ANKRD18B: variants seen among roughly 807,000 people sequenced by gnomAD.
ANKRD18B encodes ankyrin repeat domain 18B.
Under a neutral mutation model 111.8 loss-of-function variants are expected in ANKRD18B, and 75 were observed. The observed-to-expected ratio is 0.67, with a 90% CI of 0.56 to 0.81. The LOEUF (loss-of-function observed/expected upper bound fraction) is 0.81, where lower values mean the gene tolerates loss of function less well. ANKRD18B is among the 40% of genes least tolerant of loss of function. The pLI is 0.00. For synonymous variants in ANKRD18B, 356 were observed against 417.3 expected (o/e 0.85, Z 1.79); for missense variants, 1,038 against 1,225.5 (o/e 0.85, Z 2.28).
chr9:33,547,365 C>T (rs1828372263), intron 10 of ANKRD18B, among the ~76,000 whole-genome samples: 1 of 152,026 alleles, frequency 6.6e-6, no homozygotes, highest in African/African-American at 2.4e-5. Context: ...TGTAGAAGTG[C>T]TTAGTACAAT....
intron 10 of ANKRD18B, among the ~76,000 whole-genome samples, chr9:33,546,948 T>C (rs1282471098): frequency 1.3e-5 from 2 of 152,164 alleles, no homozygotes; most frequent in East Asian, 1.9e-4. Context: ...CGGCTCCTTG[T>C]GTTGTGGCAA....
intron 14 of ANKRD18B, among the ~76,000 whole-genome samples, chr9:33,564,408 T>C (rs1466215182): frequency 6.6e-6 from 1 of 152,240 alleles, no homozygotes; most frequent in Non-Finnish European, 1.5e-5. Context: ...TATTCCATTG[T>C]GTATGTGTAC....
At chr9:33,529,878 G>A (rs545819127) in intron 3 of ANKRD18B, among the ~76,000 whole-genome samples, 88 of 152,280 alleles carry the variant, frequency 5.8e-4, no homozygotes, top group African/African-American at 2.0e-3. Flanking sequence ...TCAGCAAAGG[G>A]TGGAACAAAT....
intron 17 of ANKRD18B, among the ~76,000 whole-genome samples, chr9:33,570,112 A>G (rs1331092617): frequency 6.6e-6 from 1 of 152,232 alleles, no homozygotes; most frequent in African/African-American, 2.4e-5. Context: ...ACCAAATACT[A>G]TGCAGCCATG....
rs1354740416 is a variant in ANKRD18B, at chr9:33,572,765, A to T, written c.*331A>T. ...ATATATAGTAGGAGACTTAAAGAGT[A>T]TCTGCCAGGTTTGTCCATACTAGTG... On this transcript the variant is annotated 3_prime_UTR_variant, in exon 19 of 19. Transcript: ENST00000684830. 1.0e-6 allele frequency: 1 copy of T among 995,922 alleles called. No individual in the cohort carries two copies. The highest frequency in any genetic ancestry group is 1.2e-6 in the Non-Finnish European group (1 of 833,140). 61.7% of individuals were successfully genotyped at this position (995,922 alleles called of 1,614,324 possible).
At chr9:33,570,200 C>T (rs1828749096) in intron 17 of ANKRD18B, among the ~76,000 whole-genome samples, 1 of 152,124 alleles carries the variant, frequency 6.6e-6, no homozygotes, top group African/African-American at 2.4e-5. Context: ...AACGCAGAAA[C>T]AGAAACCAAA....
chr9:33,568,654 C>G lies in ANKRD18B; in HGVS notation c.2955-17C>G. The stretch of plus-strand genomic sequence containing the variant: ...GTAAAATGAAATACTAAGCATTTGT[C>G]TTTGCTCTCTTTACAGATCGGATAA... On this transcript the variant is annotated splice_polypyrimidine_tract_variant and intron_variant, in intron 16 of 18. Transcript: ENST00000684830. The G allele has an allele frequency of 1.3e-6, 2 of 1,504,862 alleles. No individual in the cohort carries two copies. The highest frequency in any genetic ancestry group is 8.9e-7 in the Non-Finnish European group (1 of 1,128,208). The allele number at this position is 1,504,862 out of a possible 1,614,324, so 93.2% of individuals were successfully genotyped here.
Position 33,527,659 on chromosome 9 carries a change from T to C in ANKRD18B, c.207-1068T>C, listed in dbSNP as rs560500255. 1.6e-4 allele frequency among the ~76,000 whole-genome samples: 25 copies of C among 152,272 alleles called. No homozygotes were observed. In the East Asian group the frequency reaches 4.4e-3, roughly 27 times the overall value. ...AAAAATCAAAGTAAGAAGTAATTTG[T>C]TTAAAAAATATGTTGTTATTTCAGT... On this transcript the variant is annotated intron_variant, in intron 1 of 18. Coordinates refer to ENST00000684830, the MANE Select transcript of ANKRD18B (RefSeq NM_001393611.1).
At chr9:33,567,398 G>A (rs1828703116) in intron 16 of ANKRD18B, 84 bp downstream of exon 16, 1 of 1,210,370 alleles carries the variant, frequency 8.3e-7, no homozygotes, top group African/African-American at 1.6e-5. Flanking sequence ...GATGGCTTCA[G>A]GAGATCAGTA....
In ANKRD18B at chr9:33,534,744, G is replaced by T. The variant is rs146153410; in HGVS notation, c.740+237G>T. Among the ~76,000 whole-genome samples the T allele has an allele frequency of 3.0e-4, 46 of 150,942 alleles. 2 individuals are homozygous for T. The South Asian group carries it at 9.2e-3, about 30-fold the overall frequency. Reference sequence around the variant, plus strand: ...GACCTTTATCCCTAGGAATGTCAGTGTTGTTCATTTTATTCCAAGTATAAC... The same window carrying T: ...GACCTTTATCCCTAGGAATGTCAGTTTTGTTCATTTTATTCCAAGTATAAC... On this transcript the variant is annotated intron_variant, in intron 5 of 18. Coordinates refer to ENST00000684830, the MANE Select transcript of ANKRD18B (RefSeq NM_001393611.1).
chr9:33,524,744 C>T (rs1563897043), intron 1 of ANKRD18B, 49 bp downstream of exon 1: 3 of 1,518,600 alleles, frequency 2.0e-6, no homozygotes, highest in Non-Finnish European at 2.7e-6. Flanking sequence ...GGCCCGGTTT[C>T]CCCGCACCGC....
Position 33,548,486 on chromosome 9 carries a change from T to C in ANKRD18B, c.1698T>C (p.Asp566=), listed in dbSNP as rs1299548403. The change falls in exon 11 of 19, where the codon GAT becomes GAC. Residue 566 remains aspartate (D), a synonymous_variant. Coordinates refer to ENST00000684830, the MANE Select transcript of ANKRD18B (RefSeq NM_001393611.1). ...TLKGKLRETR[D]ALREKTLALE... ...AAGGTAAGCTCCGTGAGACAAGAGA[T>C]GCTCTCAGGGAAAAGACATTGGCTT... 6.4e-7 allele frequency: 1 copy of C among 1,551,148 alleles called. No homozygotes were observed. The highest frequency in any genetic ancestry group is 8.7e-7 in the Non-Finnish European group (1 of 1,146,694).
At chr9:33,557,019 A>G (rs1310759972) in intron 13 of ANKRD18B, among the ~76,000 whole-genome samples, 2 of 152,150 alleles carry the variant, frequency 1.3e-5, no homozygotes, top group Non-Finnish European at 2.9e-5. Flanking sequence ...CCCTGAACAC[A>G]GCTACTTTTC....
At chr9:33,535,583 G>A (rs924483160) in intron 5 of ANKRD18B, among the ~76,000 whole-genome samples, 13 of 149,210 alleles carry the variant, frequency 8.7e-5, no homozygotes, top group East Asian at 2.0e-4. Context: ...CACCACACCC[G>A]GCCCACAGCT....
chr9:33,561,520 C>A (rs1239519562), intron 14 of ANKRD18B, among the ~76,000 whole-genome samples: 4 of 152,200 alleles, frequency 2.6e-5, no homozygotes, highest in African/African-American at 9.7e-5. Flanking sequence ...TCTTCTCAGG[C>A]ACAGCAGTTT....
rs1250904082 is a variant in ANKRD18B at position 33,548,324 on chromosome 9, C to A, written c.1536C>A (p.Asp512Glu). 1 of 1,549,738 alleles carries A rather than the reference C, an allele frequency of 6.5e-7. No individual in the cohort carries two copies. Among genetic ancestry groups the A allele is most frequent in the South Asian group, 1.2e-5 (1 of 83,450 alleles). Residue 512 changes from aspartate (D) to glutamate (E), a missense_variant, in exon 11 of 19, where the codon GAC becomes GAA. Asp to Glu is a conservative substitution (Grantham distance 45, BLOSUM62 2). Coordinates refer to ENST00000684830, the MANE Select transcript of ANKRD18B (RefSeq NM_001393611.1). ...NEYNEILERK[D>E]LELVLWRADD... is the part of the protein sequence containing the mutation. ...ACAATGAAATTTTGGAAAGAAAAGA[C>A]CTAGAACTAGTTTTATGGAGAGCAG...
intron 14 of ANKRD18B, among the ~76,000 whole-genome samples, chr9:33,560,228 G>C (rs1355025766): frequency 2.0e-5 from 3 of 152,208 alleles, no homozygotes; most frequent in Admixed American, 1.3e-4. Flanking sequence ...TTAAGTGAAA[G>C]GGAAGCTCTC....
At chr9:33,527,322 T>TTTGA (rs1554646726) in intron 1 of ANKRD18B, among the ~76,000 whole-genome samples, 1 of 151,762 alleles carries the variant, frequency 6.6e-6, no homozygotes, top group East Asian at 1.9e-4. Context: ...TGTTTGTTTG[T>TTTGA]TTGTTTGTTT....
intron 14 of ANKRD18B, 31 bp from the exon 15 acceptor site, chr9:33,566,188 A>G (rs1288423172): frequency 6.6e-7 from 1 of 1,520,686 alleles, no homozygotes; most frequent in Non-Finnish European, 8.8e-7. Flanking sequence ...AGCCTACTTC[A>G]TTATCAAGCT....
Sources: gnomAD v4.1 joint callset for allele counts (sites outside exome capture counted in the v4.1 genomes callset) on GRCh38, gnomAD v4.1.1 for gene constraint, MANE v1.5 for transcripts, NCBI Gene and HGNC (gene_info 2026-07-23, HGNC 2026-07-21) for gene names.